Variants in RAMP1 observed in about 807,000 individuals in gnomAD.
The protein encoded by RAMP1 is receptor activity modifying protein 1.
Under a neutral mutation model 8.2 loss-of-function variants are expected in RAMP1, and 7 were observed. The observed-to-expected ratio is 0.85, with a 90% CI of 0.49 to 1.60. The LOEUF (loss-of-function observed/expected upper bound fraction) is 1.60, where lower values mean the gene tolerates loss of function less well. Among genes scored for constraint, RAMP1 ranks in the 40% most tolerant of loss-of-function variants. The pLI is 0.00. For missense variants in RAMP1, 192 were observed against 202.4 expected, an observed-to-expected ratio of 0.95 and a Z score of 0.31; for synonymous variants, 92 against 84.7, an observed-to-expected ratio of 1.09 and a Z score of -0.47.
intron 1 of RAMP1, 171 bp downstream of exon 1, chr2:237,859,898 C>G: frequency 1.7e-6 from 1 of 593,496 alleles, no homozygotes; most frequent in Non-Finnish European, 2.6e-6. Context: ...AGGCGGGAGG[C>G]CCCAGGGCAC....
intron 2 of RAMP1, among the ~76,000 whole-genome samples, chr2:237,890,903 T>C (rs2062481246): frequency 1.3e-5 from 2 of 152,196 alleles, no homozygotes; most frequent in South Asian, 2.1e-4. Flanking sequence ...CTTTAGAAAA[T>C]AGGCCACACT....
At chr2:237,875,303 T>C (rs2151007605) in intron 1 of RAMP1, among the ~76,000 whole-genome samples, 1 of 152,228 alleles carries the variant, frequency 6.6e-6, no homozygotes, top group East Asian at 1.9e-4. Flanking sequence ...ACAGTGCTGG[T>C]ATGGACATGG....
chr2:237,892,735 T>TTC (rs35656622), intron 2 of RAMP1, among the ~76,000 whole-genome samples: 69,437 of 148,544 alleles, frequency 0.47, 16,601 homozygotes, highest in Non-Finnish European at 0.56. Flanking sequence ...GGGCTTCCTC[T>TTC]TCTCTCTCTC....
chr2:237,911,322 G>A (rs1476877073), intron 2 of RAMP1, among the ~76,000 whole-genome samples: 2 of 152,232 alleles, frequency 1.3e-5, no homozygotes, highest in East Asian at 1.9e-4. Flanking sequence ...CCTGCACCAC[G>A]GGCCGCCATG....
intron 2 of RAMP1, among the ~76,000 whole-genome samples, chr2:237,879,516 TTCTA>T (rs1295831615): frequency 6.7e-6 from 1 of 149,086 alleles, no homozygotes; most frequent in Non-Finnish European, 1.5e-5. Context: ...ATACTTTAAG[TTCTA>T]GGGCACATGT....
intron 2 of RAMP1, among the ~76,000 whole-genome samples, chr2:237,902,785 C>T (rs2062616566): frequency 6.6e-6 from 1 of 152,252 alleles, no homozygotes; most frequent in African/African-American, 2.4e-5. Context: ...GTGACGCCAA[C>T]ATCTAGTTTC....
At chr2:237,864,414 GT>G (rs2062164646) in intron 1 of RAMP1, among the ~76,000 whole-genome samples, 1 of 152,242 alleles carries the variant, frequency 6.6e-6, no homozygotes, top group Non-Finnish European at 1.5e-5. Flanking sequence ...TGGACACTTG[GT>G]GACTGACACC....
At chr2:237,911,093 C>A (rs765798625) in intron 2 of RAMP1, among the ~76,000 whole-genome samples, 2 of 152,090 alleles carry the variant, frequency 1.3e-5, no homozygotes, top group Non-Finnish European at 2.9e-5. Flanking sequence ...TACACATAGT[C>A]ACACACAGTC....
chr2:237,858,922 C>T (rs1006695955), upstream of RAMP1: 2 of 152,874 alleles, frequency 1.3e-5, no homozygotes, highest in Non-Finnish European at 2.9e-5. The surrounding 1 kb of genome is among the most constrained non-coding windows in gnomAD (Gnocchi z 4.4). Context: ...CAAAGCAAAC[C>T]TCATCTCAAG....
intron 1 of RAMP1, among the ~76,000 whole-genome samples, chr2:237,866,682 GAGTTAACCCAT>G (rs2062190279): frequency 6.6e-6 from 1 of 151,940 alleles, no homozygotes; most frequent in South Asian, 2.1e-4. Context: ...CATTATCTGT[GAGTTAACCCAT>G]ATTTTGTATG....
chr2:237,911,379 T>C, intron 2 of RAMP1, 149 bp from the exon 3 acceptor site: 1 of 1,177,480 alleles, frequency 8.5e-7, no homozygotes. Context: ...CCTGCCCTCC[T>C]GGATCCAGGG....
At chr2:237,867,770 G>T (rs2151003701) in intron 1 of RAMP1, among the ~76,000 whole-genome samples, 1 of 152,302 alleles carries the variant, frequency 6.6e-6, no homozygotes, top group South Asian at 2.1e-4. Context: ...TCTGAGTGTG[G>T]CTTCGTTCTT....
chr2:237,866,580 C>T (rs1476402643), intron 1 of RAMP1, among the ~76,000 whole-genome samples: 6 of 151,982 alleles, frequency 3.9e-5, no homozygotes, highest in Non-Finnish European at 8.8e-5. Context: ...GGTGGGGCGC[C>T]GAACCCCCAC....
At chr2:237,880,285 A>T (rs2151010704) in intron 2 of RAMP1, among the ~76,000 whole-genome samples, 1 of 152,340 alleles carries the variant, frequency 6.6e-6, no homozygotes, top group East Asian at 1.9e-4. Flanking sequence ...GGTTGGTCCC[A>T]GCTTTGGCTA....
intron 2 of RAMP1, among the ~76,000 whole-genome samples, chr2:237,904,815 G>A (rs1002436505): frequency 1.3e-5 from 2 of 152,118 alleles, no homozygotes; most frequent in East Asian, 1.9e-4. Context: ...AGCGAATGAG[G>A]TCTCCAGGAT....
intron 2 of RAMP1, among the ~76,000 whole-genome samples, chr2:237,905,762 G>A (rs1216544205): frequency 6.6e-6 from 1 of 152,182 alleles, no homozygotes; most frequent in East Asian, 1.9e-4. Context: ...TGTAATCCCA[G>A]CACTTTGGGA....
intron 1 of RAMP1, among the ~76,000 whole-genome samples, chr2:237,867,419 A>G (rs1405675652): frequency 6.8e-6 from 1 of 146,016 alleles, no homozygotes; most frequent in Non-Finnish European, 1.5e-5. Flanking sequence ...CATGTGGTCA[A>G]GAGTTAACAC....
intron 2 of RAMP1, among the ~76,000 whole-genome samples, chr2:237,893,526 C>T (rs2062507473): frequency 6.6e-6 from 1 of 152,234 alleles, no homozygotes; most frequent in Admixed American, 6.5e-5. Flanking sequence ...CCTTCTTTCA[C>T]TTCTTTGTCA....
chr2:237,896,138 G>C (rs2062540232), intron 2 of RAMP1, among the ~76,000 whole-genome samples: 1 of 152,224 alleles, frequency 6.6e-6, no homozygotes, highest in Admixed American at 6.5e-5. Context: ...AGCCAGCATA[G>C]GACAGTCTGT....
Sources: gnomAD v4.1 joint callset for allele counts (sites outside exome capture counted in the v4.1 genomes callset) on GRCh38, gnomAD v4.1.1 for gene constraint, Gnocchi (gnomAD v3.1) non-coding constraint, MANE v1.5 for transcripts, NCBI Gene and HGNC (gene_info 2026-07-23, HGNC 2026-07-21) for gene names.